THSD7B: variants seen among roughly 807,000 people sequenced by gnomAD.
THSD7B encodes the protein thrombospondin type-1 domain-containing protein 7B.
THSD7B carries 138 observed loss-of-function variants against 213.6 expected under a neutral mutation model. That is an observed-to-expected ratio of 0.65 (90% CI 0.56 to 0.74). The LOEUF (loss-of-function observed/expected upper bound fraction) is 0.74. Among genes scored for constraint, THSD7B ranks in the 30% least tolerant of loss-of-function variants. The pLI is 0.00. For synonymous variants in THSD7B, 742 were observed against 687.0 expected (o/e 1.08, Z -1.25); for missense variants, 1,931 against 1,991.5 (o/e 0.97, Z 0.58).
At chr2:136,948,245 C>G (rs1177059757) in intron 2 of THSD7B, among the ~76,000 whole-genome samples, 1 of 152,028 alleles carries the variant, frequency 6.6e-6, no homozygotes, top group African/African-American at 2.4e-5. Flanking sequence ...CATGCCATGC[C>G]CCTGCTCACA....
chr2:136,804,803 A>T (rs1013858163), intron 1 of THSD7B, among the ~76,000 whole-genome samples: 1 of 152,172 alleles, frequency 6.6e-6, no homozygotes, highest in Non-Finnish European at 1.5e-5. Flanking sequence ...ATTATTAAGG[A>T]TGAGGTGTCA....
At chr2:137,078,396 C>T (rs1175363103) in intron 3 of THSD7B, among the ~76,000 whole-genome samples, 2 of 152,112 alleles carry the variant, frequency 1.3e-5, no homozygotes, top group African/African-American at 4.8e-5. Context: ...TTTTAATATG[C>T]ACCCAGTTCC....
chr2:137,525,395 G>T (rs534777125), intron 15 of THSD7B, among the ~76,000 whole-genome samples: 46 of 152,228 alleles, frequency 3.0e-4, no homozygotes, highest in Middle Eastern at 6.8e-3. Context: ...TATTTTGACA[G>T]GCAGTTTATG....
At chr2:137,490,829 C>G (rs1054117630) in intron 15 of THSD7B, among the ~76,000 whole-genome samples, 10 of 152,178 alleles carry the variant, frequency 6.6e-5, no homozygotes, top group African/African-American at 2.4e-4. Flanking sequence ...AAAATCTTTG[C>G]ATGTATGCAT....
intron 27 of THSD7B, among the ~76,000 whole-genome samples, chr2:137,676,239 CGTTCCT>C (rs1210015810): frequency 2.0e-5 from 3 of 152,148 alleles, no homozygotes; most frequent in Non-Finnish European, 4.4e-5. Context: ...TGAGAAAAGA[CGTTCCT>C]GTTGTTGTGT....
chr2:137,576,233 A>G (rs1313963774), intron 17 of THSD7B, among the ~76,000 whole-genome samples: 1 of 152,098 alleles, frequency 6.6e-6, no homozygotes, highest in African/African-American at 2.4e-5. Context: ...AAACATTGAT[A>G]TTGATAGGAC....
chr2:137,527,641 G>T (rs1208800010), intron 15 of THSD7B, among the ~76,000 whole-genome samples: 3 of 151,998 alleles, frequency 2.0e-5, no homozygotes, highest in African/African-American at 7.3e-5. Context: ...CTCTGTGCTT[G>T]ATCCAAAGGT....
intron 1 of THSD7B, among the ~76,000 whole-genome samples, chr2:136,853,255 A>G (rs1456429908): frequency 6.6e-6 from 1 of 152,170 alleles, no homozygotes; most frequent in Non-Finnish European, 1.5e-5. Flanking sequence ...TTTGTGGTCC[A>G]TATGGAATCC....
At chr2:136,910,739 C>T (rs1199089434) in intron 2 of THSD7B, among the ~76,000 whole-genome samples, 1 of 151,710 alleles carries the variant, frequency 6.6e-6, no homozygotes, top group Non-Finnish European at 1.5e-5. Flanking sequence ...GCTGGTTTTG[C>T]TATTTTGTAA....
intron 17 of THSD7B, among the ~76,000 whole-genome samples, chr2:137,586,491 G>GT (rs2104808187): frequency 6.6e-6 from 1 of 152,304 alleles, no homozygotes; most frequent in East Asian, 1.9e-4. Flanking sequence ...TCCTTTCCAT[G>GT]TTTAGTGCTT....
chr2:137,238,360 A>G (rs1231999857), intron 9 of THSD7B, among the ~76,000 whole-genome samples: 1 of 152,126 alleles, frequency 6.6e-6, no homozygotes, highest in African/African-American at 2.4e-5. Flanking sequence ...GAAAGGATGG[A>G]GAAAAGTTAG....
At chr2:137,183,789 A>G (rs866458482) in intron 7 of THSD7B, among the ~76,000 whole-genome samples, 1 of 152,158 alleles carries the variant, frequency 6.6e-6, no homozygotes. Flanking sequence ...GCAATAGGAA[A>G]GAACATCTAT....
intron 3 of THSD7B, among the ~76,000 whole-genome samples, chr2:137,066,893 C>T (rs1687393682): frequency 6.6e-6 from 1 of 151,882 alleles, no homozygotes; most frequent in African/African-American, 2.4e-5. Flanking sequence ...TTTTTTAATC[C>T]TCTTTGAATT....
intron 12 of THSD7B, among the ~76,000 whole-genome samples, chr2:137,276,855 T>C (rs147435875): frequency 6.6e-6 from 1 of 152,212 alleles, no homozygotes; most frequent in East Asian, 1.9e-4. Flanking sequence ...GTTACATAGG[T>C]CATACTTTGG....
At position 137,238,534 on chromosome 2, in the gene THSD7B, CTTTTTTTTTTTT is replaced by C. The variant is rs869146863; in HGVS notation, c.2151-3904_2151-3893del. 3.5e-4 allele frequency among the ~76,000 whole-genome samples: 18 copies of C among 51,876 alleles called. 1 individual carries two copies. The highest frequency in any genetic ancestry group is 1.0e-3 in the Admixed American group (3 of 2,880). 34.0% of individuals were successfully genotyped at this position (51,876 alleles called of 152,430 possible). On this transcript the variant is annotated intron_variant, in intron 9 of 27. Coordinates refer to ENST00000409968, the MANE Select transcript of THSD7B (RefSeq NM_001316349.2). ...TATCCTGATAATGACACTCATCTTT[CTTTTTTTTTTTT>C]TTTTTTTTTTTTTTTTTTGAGACGG...
At chr2:137,179,104 GA>G (rs1558948646) in intron 7 of THSD7B, among the ~76,000 whole-genome samples, 1 of 152,086 alleles carries the variant, frequency 6.6e-6, no homozygotes, top group East Asian at 1.9e-4. Flanking sequence ...GAAGCAAAAT[GA>G]GTCATAGATT....
chr2:136,807,509 G>GTTTTTTTCT lies in THSD7B; in HGVS notation c.-36+41829_-36+41830insCTTTTTTTT, dbSNP rs1553449764. Among the ~76,000 whole-genome samples, 152 of 104,888 alleles carry GTTTTTTTCT rather than the reference G, an allele frequency of 1.4e-3. 11 individuals carry two copies. Among genetic ancestry groups the GTTTTTTTCT allele is most frequent in the Middle Eastern group, 5.4e-3 (1 of 184 alleles). The allele number at this position is 104,888 out of a possible 152,430, so 68.8% of individuals were successfully genotyped here. ...ACTTCCTAGCACTACAAAATGTTTC[G>GTTTTTTTCT]TTTTTTTTTTTTTTTTGAGACGGAG... On this transcript the variant is annotated intron_variant, in intron 1 of 27. Coordinates refer to ENST00000409968, the MANE Select transcript of THSD7B (RefSeq NM_001316349.2).
chr2:137,656,750 C>A (rs1455135837), intron 22 of THSD7B, 46 bp from the exon 23 acceptor site: 1 of 1,564,650 alleles, frequency 6.4e-7, no homozygotes, highest in Non-Finnish European at 8.7e-7. Flanking sequence ...TGTCCAGTGC[C>A]ACTTTTCATG....
In THSD7B at chr2:136,965,514, A is replaced by G. The variant is rs557817554; in HGVS notation, c.139+83197A>G. On this transcript the variant is annotated intron_variant, in intron 2 of 27. Transcript: ENST00000409968. ...TGTTCTGGGTAGTGGGGACAAGTAC[A>G]TAACTCCTGCCTCCTAATATGACTT... is the stretch of plus-strand genomic sequence containing the variant. 4.6e-5 allele frequency among the ~76,000 whole-genome samples: 7 copies of G among 152,334 alleles called. No individual in the cohort carries two copies. In the East Asian group the frequency reaches 9.7e-4, roughly 21 times the overall value.
Sources: gnomAD v4.1 joint callset for allele counts (sites outside exome capture counted in the v4.1 genomes callset) on GRCh38, gnomAD v4.1.1 for gene constraint, MANE v1.5 for transcripts, NCBI Gene and HGNC (gene_info 2026-07-23, HGNC 2026-07-21) for gene names.